The following CCS variants were observed in gnomAD, a reference collection of about 807,000 sequenced individuals.
The protein encoded by CCS is superoxide dismutase copper chaperone.
CCS carries 32 observed loss-of-function variants against 35.5 expected under a neutral mutation model. That is an observed-to-expected ratio of 0.90 (90% confidence interval 0.68 to 1.21). The LOEUF (loss-of-function observed/expected upper bound fraction) is 1.21, where lower values mean the gene tolerates loss of function less well. CCS is among the 50% of genes most tolerant of loss of function. CCS has a pLI of 0.00. For synonymous variants in CCS, 130 were observed against 147.2 expected (o/e 0.88, Z 0.84); for missense variants, 342 against 375.4 (o/e 0.91, Z 0.73).
intron 2 of CCS, among the ~76,000 whole-genome samples, chr11:66,596,369 C>G (rs1858476618): frequency 6.7e-6 from 1 of 149,982 alleles, no homozygotes; most frequent in Non-Finnish European, 1.5e-5. Flanking sequence ...GCCTGGCCAT[C>G]TGACAACTGA....
At chr11:66,605,630 C>T (rs765805083) in intron 7 of CCS, 38 bp downstream of exon 7, 14 of 1,600,824 alleles carry the variant, frequency 8.7e-6, no homozygotes, top group African/African-American at 5.4e-5. Context: ...CTGTGCTCTG[C>T]GGATGGTGCA....
At chr11:66,594,952 A>G (rs1454521282) in intron 2 of CCS, among the ~76,000 whole-genome samples, 1 of 152,114 alleles carries the variant, frequency 6.6e-6, no homozygotes, top group Non-Finnish European at 1.5e-5. Flanking sequence ...TGGAAAGAGC[A>G]ATGGTGAGAG....
Position 66,599,140 on chromosome 11 carries a change from T to G in CCS, c.137T>G (p.Leu46Trp). 1 of 1,614,084 alleles carries G rather than the reference T, an allele frequency of 6.2e-7. No homozygotes were observed. The highest frequency in any genetic ancestry group is 1.1e-5 in the South Asian group (1 of 91,076). ...VAGVQDVEVH[L>W]EDQMVLVHTT... is the part of the protein sequence containing the mutation. ...GGTGTCCAGGATGTGGAGGTGCACTTGGAGGACCAGATGGTCTTGGTACAC... is the reference window on the plus strand; with the variant it reads ...GGTGTCCAGGATGTGGAGGTGCACTGGGAGGACCAGATGGTCTTGGTACAC... The change falls in exon 3 of 8, where the codon TTG (leucine) becomes TGG (tryptophan). Residue 46 changes from leucine (L) to tryptophan (W), a missense_variant. By Grantham distance (61) the Leu-to-Trp change is moderately conservative. Transcript: ENST00000533244.
intron 2 of CCS, among the ~76,000 whole-genome samples, chr11:66,595,369 A>C (rs1858459178): frequency 6.6e-6 from 1 of 152,028 alleles, no homozygotes; most frequent in African/African-American, 2.4e-5. Flanking sequence ...TTCCTGTACT[A>C]CTTGCTTGCG....
At position 66,605,482 on chromosome 11, in the gene CCS, C is replaced by T. The variant is rs187960798; in HGVS notation, c.568-7C>T. 1 of 1,613,820 alleles carries T rather than the reference C, an allele frequency of 6.2e-7. No individual in the cohort carries two copies. Among genetic ancestry groups the T allele is most frequent in the Non-Finnish European group, 8.5e-7 (1 of 1,179,786 alleles). The stretch of plus-strand genomic sequence containing the variant: ...CCATCATCTGAAGCTGTCGTCTCCC[C>T]TCAAAGGTGTGGGATGTGATTGGCC... On this transcript the variant is annotated splice_region_variant and splice_polypyrimidine_tract_variant and intron_variant, in intron 6 of 7. Transcript: ENST00000533244.
At chr11:66,602,460 G>C (rs1229420806) in intron 5 of CCS, among the ~76,000 whole-genome samples, 4 of 152,242 alleles carry the variant, frequency 2.6e-5, no homozygotes, top group African/African-American at 9.6e-5. Flanking sequence ...GAGAGAGAGA[G>C]AGATTGAGAT....
chr11:66,603,315 C>T (rs893533373), intron 5 of CCS, among the ~76,000 whole-genome samples: 2 of 152,258 alleles, frequency 1.3e-5, no homozygotes, highest in Non-Finnish European at 1.5e-5. Context: ...TGGCTCACGC[C>T]TGCAACCCTA....
chr11:66,597,149 G>A (rs753973472), intron 2 of CCS, among the ~76,000 whole-genome samples: 11 of 152,136 alleles, frequency 7.2e-5, no homozygotes, highest in Non-Finnish European at 1.3e-4. Context: ...CCTTTTATGT[G>A]TGTAATAGCT....
rs773421206 is a variant in CCS, at chr11:66,593,650, C to CAACTT, written c.48_49insAACTT (p.Ala17AsnfsTer6). 6.2e-7 allele frequency: 1 copy of CAACTT among 1,613,852 alleles called. No homozygotes were observed. Among genetic ancestry groups the CAACTT allele is most frequent in the South Asian group, 1.1e-5 (1 of 91,038 alleles). On this transcript the variant is annotated frameshift_variant, in exon 2 of 8. Transcript: ENST00000533244. LOFTEE classifies it high-confidence loss of function. ...CCCTGCCGCCCTTGCAGTTGGAGTT[C>CAACTT]GCGGTGCAGATGACCTGTCAGAGCT...
intron 2 of CCS, among the ~76,000 whole-genome samples, chr11:66,594,953 A>G (rs1590827612): frequency 6.6e-6 from 1 of 152,128 alleles, no homozygotes. Context: ...GGAAAGAGCA[A>G]TGGTGAGAGG....
rs1127145 is a variant in CCS, at chr11:66,605,834, G to A, written c.804G>A (p.Ala268=). The A allele has an allele frequency of 0.15, 237,845 of 1,563,720 alleles. 19,585 individuals carry two copies. Among genetic ancestry groups the A allele is most frequent in the Non-Finnish European group, 0.17 (195,214 of 1,155,288 alleles). ...PIAGKGRKES[A]QPPAHL Reference sequence around the variant, plus strand: ...CTGGCAAGGGCCGAAAGGAGTCAGCGCAGCCCCCTGCCCACCTTTGAGCAG... The same window carrying A: ...CTGGCAAGGGCCGAAAGGAGTCAGCACAGCCCCCTGCCCACCTTTGAGCAG... Residue 268 remains alanine (A), a synonymous_variant, in exon 8 of 8, where the codon GCG becomes GCA. Transcript: ENST00000533244.
intron 5 of CCS, among the ~76,000 whole-genome samples, chr11:66,604,732 T>G (rs1235991715): frequency 6.6e-6 from 1 of 152,318 alleles, no homozygotes; most frequent in East Asian, 1.9e-4. Flanking sequence ...AGGTGTGTTA[T>G]GACAATTTTT....
chr11:66,603,091 T>C (rs1858595765), intron 5 of CCS, among the ~76,000 whole-genome samples: 1 of 152,186 alleles, frequency 6.6e-6, no homozygotes, highest in East Asian at 1.9e-4. Flanking sequence ...TGCCTGAAAC[T>C]TGTCTTGGCT....
At chr11:66,604,990 A>T (rs1858630404) in intron 5 of CCS, among the ~76,000 whole-genome samples, 1 of 152,202 alleles carries the variant, frequency 6.6e-6, no homozygotes, top group African/African-American at 2.4e-5. Flanking sequence ...GAGCTGGGCA[A>T]TTGCCTCGCC....
At chr11:66,605,095 G>C in intron 5 of CCS, 4 of 1,476,492 alleles carry the variant, frequency 2.7e-6, no homozygotes, top group Non-Finnish European at 2.7e-6. Context: ...CAGGATTTCA[G>C]TTCCAGGGAG....
At chr11:66,598,971 G>C (rs1858525521) in intron 2 of CCS, 145 bp from the exon 3 acceptor site, 4 of 870,332 alleles carry the variant, frequency 4.6e-6, no homozygotes, top group Non-Finnish European at 7.3e-6. Context: ...GCTTACTCAG[G>C]GTTACACAGT....
rs148810781 is a variant in CCS, at chr11:66,593,218, G to T, written c.-44G>T. 623 of 1,551,226 alleles carry T rather than the reference G, an allele frequency of 4.0e-4. 8 individuals carry two copies. The East Asian group carries it at 0.015, about 36-fold the overall frequency. ...CGACGCCGCGCTGGTTGGTGCTCCT[G>T]CGCCGGAGGAGTTCTGCGTCTCGGG... On this transcript the variant is annotated 5_prime_UTR_variant, in exon 1 of 8. Coordinates refer to ENST00000533244, the MANE Select transcript of CCS (RefSeq NM_005125.2).
Position 66,605,482 on chromosome 11 carries a change from C to A in CCS, c.568-7C>A. 1 of 1,613,820 alleles carries A rather than the reference C, an allele frequency of 6.2e-7. No homozygotes were observed. The highest frequency in any genetic ancestry group is 8.5e-7 in the Non-Finnish European group (1 of 1,179,786). On this transcript the variant is annotated splice_region_variant and splice_polypyrimidine_tract_variant and intron_variant, in intron 6 of 7. Coordinates refer to ENST00000533244, the MANE Select transcript of CCS (RefSeq NM_005125.2). ...CCATCATCTGAAGCTGTCGTCTCCC[C>A]TCAAAGGTGTGGGATGTGATTGGCC...
intron 5 of CCS, among the ~76,000 whole-genome samples, chr11:66,604,888 G>A (rs1289236914): frequency 6.6e-6 from 1 of 152,184 alleles, no homozygotes; most frequent in Non-Finnish European, 1.5e-5. Flanking sequence ...GCCAAGCTTG[G>A]CCAACTTAAG....
Sources: gnomAD v4.1 joint callset for allele counts (sites outside exome capture counted in the v4.1 genomes callset) on GRCh38, gnomAD v4.1.1 for gene constraint, MANE v1.5 for transcripts, NCBI Gene and HGNC (gene_info 2026-07-23, HGNC 2026-07-21) for gene names.